The following CADPS2 variants were observed in gnomAD, a reference collection of about 807,000 sequenced individuals.
The protein encoded by CADPS2 is calcium dependent secretion activator 2.
In CADPS2, 93 loss-of-function variants were observed where a neutral mutation model predicts 172.5. The observed-to-expected ratio is 0.54, with a 90% CI of 0.46 to 0.64. CADPS2 has a LOEUF of 0.64. Ranked by LOEUF, CADPS2 falls within the 30% of genes least tolerant of loss-of-function variation. The pLI is 0.00. For missense variants in CADPS2, 1,420 were observed against 1,565.9 expected, an observed-to-expected ratio of 0.91 and a Z score of 1.57; for synonymous variants, 546 against 555.2, an observed-to-expected ratio of 0.98 and a Z score of 0.23.
chr7:122,657,120 T>G (rs1030327755), intron 3 of CADPS2, among the ~76,000 whole-genome samples: 16 of 152,232 alleles, frequency 1.1e-4, no homozygotes, highest in African/African-American at 3.9e-4. Context: ...GATGGTTGTT[T>G]ATGTGTGGTA....
chr7:122,416,942 T>C (rs1299388597), intron 17 of CADPS2, among the ~76,000 whole-genome samples: 1 of 152,180 alleles, frequency 6.6e-6, no homozygotes, highest in Non-Finnish European at 1.5e-5. Context: ...TTCAAAACAA[T>C]GTAAAGATCA....
At chr7:122,361,243 TTTTAA>T (rs1474015871) in intron 25 of CADPS2, among the ~76,000 whole-genome samples, 1 of 138,750 alleles carries the variant, frequency 7.2e-6, no homozygotes, top group South Asian at 2.3e-4. Context: ...TTTTTTTTTT[TTTTAA>T]AATGAGATGG....
At chr7:122,444,341 G>C (rs1450569531) in intron 15 of CADPS2, among the ~76,000 whole-genome samples, 1 of 152,064 alleles carries the variant, frequency 6.6e-6, no homozygotes, top group Admixed American at 6.6e-5. Context: ...TGGAATGGCT[G>C]GGTCATATGA....
intron 24 of CADPS2, chr7:122,386,302 C>A (rs1380461022): frequency 2.1e-6 from 3 of 1,439,096 alleles, no homozygotes; most frequent in Non-Finnish European, 2.8e-6. Flanking sequence ...TACCCATTGA[C>A]TACCAAACTG....
intron 17 of CADPS2, among the ~76,000 whole-genome samples, chr7:122,425,338 T>G (rs1422553935): frequency 6.8e-6 from 1 of 147,904 alleles, no homozygotes; most frequent in Non-Finnish European, 1.5e-5. Context: ...CTGTAATCCC[T>G]GCACATTGGG....
intron 2 of CADPS2, among the ~76,000 whole-genome samples, chr7:122,690,637 C>G (rs1270718543): frequency 1.3e-5 from 2 of 152,170 alleles, no homozygotes; most frequent in African/African-American, 4.8e-5. Flanking sequence ...GGTCATCCTT[C>G]CTCTCATGGA....
At chr7:122,701,192 G>C (rs1372361467) in intron 2 of CADPS2, among the ~76,000 whole-genome samples, 1 of 152,058 alleles carries the variant, frequency 6.6e-6, no homozygotes, top group African/African-American at 2.4e-5. Flanking sequence ...GTTCTTATTT[G>C]GATAAGGGCA....
intron 28 of CADPS2, among the ~76,000 whole-genome samples, chr7:122,345,060 G>A (rs116727888): frequency 3.8e-3 from 581 of 151,396 alleles, no homozygotes; most frequent in African/African-American, 0.013. Context: ...CCATCCCCCC[G>A]GCCCACACAC....
intron 1 of CADPS2, among the ~76,000 whole-genome samples, chr7:122,756,756 C>T (rs2093177230): frequency 6.6e-6 from 1 of 151,930 alleles, no homozygotes; most frequent in African/African-American, 2.4e-5. Flanking sequence ...AAAAGTTAGC[C>T]AGGCATGGTG....
At chr7:122,813,131 T>C (rs1239499360) in intron 1 of CADPS2, among the ~76,000 whole-genome samples, 1 of 152,116 alleles carries the variant, frequency 6.6e-6, no homozygotes, top group Non-Finnish European at 1.5e-5. Flanking sequence ...AAAAAAAGTT[T>C]TTAAAAAGTT....
At chr7:122,357,531 G>C (rs2151098405) in intron 27 of CADPS2, 1 of 152,048 alleles carries the variant, frequency 6.6e-6, no homozygotes. Context: ...CACTCTTTTT[G>C]CTATAAAGTT....
At chr7:122,537,487 A>G (rs2062429244) in intron 8 of CADPS2, among the ~76,000 whole-genome samples, 2 of 151,908 alleles carry the variant, frequency 1.3e-5, no homozygotes, top group Non-Finnish European at 2.9e-5. Flanking sequence ...GCAGAAAAAA[A>G]GCTCTTTTGA....
intron 8 of CADPS2, among the ~76,000 whole-genome samples, chr7:122,527,617 A>AGAGAGAGAGAGAGAGAGAGTGTGTGTGT: frequency 5.8e-4 from 49 of 83,850 alleles, no homozygotes; most frequent in Non-Finnish European, 1.0e-3. Flanking sequence ...AGAGAGAGAG[A>AGAGAGAGAGAGAGAGAGAGTGTGTGTGT]GTGTGTGTGT....
chr7:122,810,902 T>C (rs2140155777), intron 1 of CADPS2, among the ~76,000 whole-genome samples: 1 of 152,246 alleles, frequency 6.6e-6, no homozygotes, highest in East Asian at 1.9e-4. Flanking sequence ...CCTAAAAAAA[T>C]ATTGCTTAAT....
intron 2 of CADPS2, among the ~76,000 whole-genome samples, chr7:122,734,388 A>AAAAAAAAAAAAAAAAAAAAAAAAAG (rs2091976264): frequency 7.0e-5 from 4 of 57,536 alleles, no homozygotes; most frequent in African/African-American, 1.2e-4. Context: ...AAAAAAAAAG[A>AAAAAAAAAAAAAAAAAAAAAAAAAG]AAAAAAAAAA....
chr7:122,697,725 C>T (rs2085340579), intron 2 of CADPS2: 2 of 1,206,548 alleles, frequency 1.7e-6, no homozygotes, highest in Non-Finnish European at 2.3e-6. Flanking sequence ...AGACAAACTG[C>T]TTGTCAGTAT....
chr7:122,733,755 T>C (rs2091894075), intron 2 of CADPS2, among the ~76,000 whole-genome samples: 1 of 151,984 alleles, frequency 6.6e-6, no homozygotes, highest in Non-Finnish European at 1.5e-5. Flanking sequence ...CTTGCTTGTG[T>C]TGACCAATGA....
At chr7:122,582,545 T>G (rs919761900) in intron 6 of CADPS2, among the ~76,000 whole-genome samples, 1 of 152,044 alleles carries the variant, frequency 6.6e-6, no homozygotes, top group Non-Finnish European at 1.5e-5. Context: ...TTTTGCAATT[T>G]CATATAATTA....
intron 2 of CADPS2, among the ~76,000 whole-genome samples, chr7:122,681,991 G>A (rs1295366340): frequency 1.3e-5 from 2 of 151,970 alleles, no homozygotes; most frequent in Non-Finnish European, 2.9e-5. Flanking sequence ...TTATGAAGTC[G>A]TTCTAAAGCT....
Sources: gnomAD v4.1 joint callset for allele counts (sites outside exome capture counted in the v4.1 genomes callset) on GRCh38, gnomAD v4.1.1 for gene constraint, MANE v1.5 for transcripts, NCBI Gene and HGNC (gene_info 2026-07-23, HGNC 2026-07-21) for gene names.